PHF13: variants seen among roughly 807,000 people sequenced by gnomAD.
PHF13 encodes PHD zinc finger protein PHF5.
PHF13 carries 1 observed loss-of-function variant against 25.8 expected under a neutral mutation model. The ratio of observed to expected loss-of-function variants is 0.04; its 90% confidence interval spans 0.01 to 0.18. PHF13 has a LOEUF of 0.18. PHF13 is among the 10% of genes least tolerant of loss of function. PHF13 has a pLI of 1.00. For missense variants in PHF13, 306 were observed against 403.2 expected (o/e 0.76, Z 2.06); for synonymous variants, 195 against 162.4 (o/e 1.20, Z -1.53).
intron 1 of PHF13, among the ~76,000 whole-genome samples, chr1:6,615,261 C>G (rs1235611253): frequency 6.6e-6 from 1 of 152,112 alleles, no homozygotes. Context: ...TGACCCACTT[C>G]TGCTGGTTCC....
Position 6,614,025 on chromosome 1 carries a change from G to A in PHF13, c.-42G>A. On this transcript the variant is annotated 5_prime_UTR_variant, in exon 1 of 4. Coordinates refer to ENST00000377648, the MANE Select transcript of PHF13 (RefSeq NM_153812.3). ...CGGGCGGCCCCGCTCCAGCATCCCA[G>A]CTCCTGCACTCTCGCAGCCGCCGCC... 1 of 1,520,154 alleles carries A rather than the reference G, an allele frequency of 6.6e-7. No individual in the cohort carries two copies. Among genetic ancestry groups the A allele is most frequent in the Non-Finnish European group, 8.9e-7 (1 of 1,122,284 alleles). The allele number at this position is 1,520,154 out of a possible 1,614,324, so 94.2% of individuals were successfully genotyped here.
At chr1:6,614,560 G>A (rs1459511223) in intron 1 of PHF13, 1 of 154,850 alleles carries the variant, frequency 6.5e-6, no homozygotes, top group African/African-American at 2.5e-5. Flanking sequence ...CGAGGCCCCC[G>A]GCTGCTCCCC....
intron 1 of PHF13, among the ~76,000 whole-genome samples, chr1:6,615,578 A>G (rs1570223278): frequency 6.6e-6 from 1 of 152,228 alleles, no homozygotes; most frequent in East Asian, 1.9e-4. Context: ...CTCCCCCAGC[A>G]GAGTGGCGGC....
In PHF13 at chr1:6,620,310, A is replaced by C; in HGVS notation, c.649A>C (p.Asn217His). ...GTTCCGAGATGAGGACAGCACTGGC[A>C]ATGATGAGGACATCATGGTGGACTC... ...VVFRDEDSTG[N>H]DEDIMVDSDD... is the part of the protein sequence containing the mutation. Residue 217 changes from asparagine (N) to histidine (H), a missense_variant, in exon 3 of 4, where the codon AAT (asparagine) becomes CAT (histidine). Asn to His is a moderately conservative substitution (Grantham distance 68). Transcript: ENST00000377648. 6.2e-7 allele frequency: 1 copy of C among 1,613,414 alleles called. No individual in the cohort carries two copies. The highest frequency in any genetic ancestry group is 8.5e-7 in the Non-Finnish European group (1 of 1,179,848).
At chr1:6,614,907 T>G (rs992142685) in intron 1 of PHF13, among the ~76,000 whole-genome samples, 4 of 144,224 alleles carry the variant, frequency 2.8e-5, no homozygotes, top group Non-Finnish European at 6.2e-5. Context: ...CGCGGGCGGG[T>G]GGGGGAGGGG....
Position 6,616,434 on chromosome 1 carries a change from C to T in PHF13, c.40-323C>T, listed in dbSNP as rs533305855. 1.8e-4 allele frequency among the ~76,000 whole-genome samples: 27 copies of T among 152,294 alleles called. 1 individual carries two copies. In the South Asian group the frequency reaches 3.9e-3, roughly 22 times the overall value. Reference sequence around the variant, plus strand: ...AGCAAAAAAGTAGTTATTAGAGCTTCGCCTGATAGGCCTGTGGAAACTAAT... The same window carrying T: ...AGCAAAAAAGTAGTTATTAGAGCTTTGCCTGATAGGCCTGTGGAAACTAAT... On this transcript the variant is annotated intron_variant, in intron 1 of 3. Coordinates refer to ENST00000377648, the MANE Select transcript of PHF13 (RefSeq NM_153812.3).
At chr1:6,617,254 T>C (rs888703724) in intron 2 of PHF13, among the ~76,000 whole-genome samples, 4 of 152,150 alleles carry the variant, frequency 2.6e-5, no homozygotes, top group Non-Finnish European at 5.9e-5. Flanking sequence ...GCTAATTCTT[T>C]TTTGTATTTT....
At chr1:6,620,968 G>A (rs567016773) in intron 3 of PHF13, among the ~76,000 whole-genome samples, 1 of 151,466 alleles carries the variant, frequency 6.6e-6, no homozygotes, top group South Asian at 2.1e-4. Context: ...GGAGGTGGAG[G>A]TTGCAGTGAG....
chr1:6,621,719 AC>A lies in PHF13; in HGVS notation c.*85del. On this transcript the variant is annotated 3_prime_UTR_variant, in exon 4 of 4. Transcript: ENST00000377648. This position sits in a 1 kb window ranked among gnomAD's most constrained non-coding sequence, Gnocchi z 4.8. ...TGCCCTTCTCTTAGTTGAGCACAGA[AC>A]CCTCAGCTCTGGTGCGGGCAGATCC... 3 of 1,382,790 alleles carry A rather than the reference AC, an allele frequency of 2.2e-6. No homozygotes were observed. Among genetic ancestry groups the A allele is most frequent in the Non-Finnish European group, 3.0e-6 (3 of 988,634 alleles). The allele number at this position is 1,382,790 out of a possible 1,614,324, so 85.7% of individuals were successfully genotyped here.
At chr1:6,618,275 C>G (rs1358897613) in intron 2 of PHF13, among the ~76,000 whole-genome samples, 1 of 152,144 alleles carries the variant, frequency 6.6e-6, no homozygotes, top group Non-Finnish European at 1.5e-5. Flanking sequence ...GCTGGGACTA[C>G]AGGCCCACCA....
chr1:6,618,623 C>G (rs1641296232), intron 2 of PHF13, among the ~76,000 whole-genome samples: 1 of 152,114 alleles, frequency 6.6e-6, no homozygotes, highest in Admixed American at 6.6e-5. Context: ...ACATAGGTGG[C>G]TAATGCCTGC....
At position 6,620,021 on chromosome 1, in the gene PHF13, G is replaced by A. The variant is rs750798552; in HGVS notation, c.360G>A (p.Lys120=). The change falls in exon 3 of 4, where the codon AAG becomes AAA. Residue 120 remains lysine (K), a synonymous_variant. Coordinates refer to ENST00000377648, the MANE Select transcript of PHF13 (RefSeq NM_153812.3). ...AAACGGACAAGCTGAAGAAGAAGAA[G>A]AAGAGGAAGCGCAGGGACAGTGATG... The part of the protein sequence containing the change: ...RKKTDKLKKK[K]KRKRRDSDAP... 24 of 1,613,636 alleles carry A rather than the reference G, an allele frequency of 1.5e-5. No individual in the cohort carries two copies. The East Asian group carries it at 4.2e-4, about 28-fold the overall frequency.
At chr1:6,616,954 T>C in intron 2 of PHF13, 96 bp downstream of exon 2, 1 of 1,059,088 alleles carries the variant, frequency 9.4e-7, no homozygotes, top group Non-Finnish European at 1.4e-6. Flanking sequence ...AGAGGGTCAG[T>C]AGGTTTGGAA....
chr1:6,617,899 T>G (rs984565843), intron 2 of PHF13, among the ~76,000 whole-genome samples: 1 of 152,154 alleles, frequency 6.6e-6, no homozygotes, highest in Non-Finnish European at 1.5e-5. Context: ...ACCCACTGAT[T>G]AGTGGTGGAG....
rs904327963 is a variant in PHF13, at chr1:6,614,122, G to A, written c.39+17G>A. The A allele has an allele frequency of 6.3e-7, 1 of 1,595,902 alleles. No individual in the cohort carries two copies. The highest frequency in any genetic ancestry group is 8.5e-7 in the Non-Finnish European group (1 of 1,172,986). Reference sequence around the variant, plus strand: ...CACCCGGAGGTGAGTGAAGCTGTGCGTCCGAATCGCCCCCGACCACCCCCT... The same window carrying A: ...CACCCGGAGGTGAGTGAAGCTGTGCATCCGAATCGCCCCCGACCACCCCCT... On this transcript the variant is annotated intron_variant, in intron 1 of 3. Transcript: ENST00000377648.
At chr1:6,620,390 G>A in intron 3 of PHF13, 53 bp downstream of exon 3, 1 of 1,544,344 alleles carries the variant, frequency 6.5e-7, no homozygotes, top group Non-Finnish European at 8.8e-7. Flanking sequence ...TTAGAAGAGA[G>A]GTTATTTTAT....
In PHF13 at chr1:6,622,785, G is replaced by C. The variant is rs372637322; in HGVS notation, c.*1148G>C. The C allele has an allele frequency of 3.9e-5, 6 of 152,180 alleles. No individual in the cohort carries two copies. Among genetic ancestry groups the C allele is most frequent in the East Asian group, 3.9e-4 (2 of 5,182 alleles). 9.4% of individuals were successfully genotyped at this position (152,180 alleles called of 1,614,324 possible). ...GCCGAGTTCCTTAAATCTCAGCTGG[G>C]ATCCTGGACCTGGGAGGCCCCTGTG... is the stretch of plus-strand genomic sequence containing the variant. On this transcript the variant is annotated 3_prime_UTR_variant, in exon 4 of 4. Coordinates refer to ENST00000377648, the MANE Select transcript of PHF13 (RefSeq NM_153812.3).
Position 6,621,659 on chromosome 1 carries a change from G to T in PHF13, c.*22G>T. On this transcript the variant is annotated 3_prime_UTR_variant, in exon 4 of 4. Transcript: ENST00000377648. The surrounding 1 kb of genome is among the most constrained non-coding windows in gnomAD (Gnocchi z 4.8). ...CTGACTGCTGGCTGGCGAGGAGGCT[G>T]CGAGCGTGGAATCGGAAGCGACCGC... is the stretch of plus-strand genomic sequence containing the variant. 1 of 1,611,940 alleles carries T rather than the reference G, an allele frequency of 6.2e-7. No individual in the cohort carries two copies. Among genetic ancestry groups the T allele is most frequent in the Non-Finnish European group, 8.5e-7 (1 of 1,178,322 alleles).
Position 6,621,796 on chromosome 1 carries a change from G to A in PHF13, c.*159G>A, listed in dbSNP as rs1431062862. ...GGACAGGCTGTCCAAGGTAGAAACT[G>A]TACATAGCCGGTGACCGAATGCGAC... On this transcript the variant is annotated 3_prime_UTR_variant, in exon 4 of 4. Coordinates refer to ENST00000377648, the MANE Select transcript of PHF13 (RefSeq NM_153812.3). The surrounding 1 kb of genome is among the most constrained non-coding windows in gnomAD (Gnocchi z 4.8). 1.8e-5 allele frequency: 13 copies of A among 726,490 alleles called. No individual in the cohort carries two copies. The East Asian group carries it at 3.5e-4, about 20-fold the overall frequency. The allele number at this position is 726,490 out of a possible 1,614,324, so 45.0% of individuals were successfully genotyped here. A position where few individuals can be genotyped will look rare whatever the true frequency, so the allele number is the denominator to read the frequency against.
Sources: allele counts gnomAD v4.1 joint callset (sites outside exome capture counted in the v4.1 genomes callset), GRCh38; gene constraint gnomAD v4.1.1; non-coding constraint Gnocchi (gnomAD v3.1); transcripts MANE v1.5; gene names NCBI Gene and HGNC (gene_info 2026-07-23, HGNC 2026-07-21).